Variants in DSC2 observed in about 807,000 individuals in gnomAD.
DSC2 encodes the protein desmocollin-2.
In DSC2, 51 loss-of-function variants were observed where a neutral mutation model predicts 87.6. That is an observed-to-expected ratio of 0.58 (90% CI 0.46 to 0.74). The LOEUF (loss-of-function observed/expected upper bound fraction) is 0.74, where lower values mean the gene tolerates loss of function less well. DSC2 is among the 30% of genes least tolerant of loss of function. DSC2 has a pLI of 0.00. For synonymous variants in DSC2, 383 were observed against 393.2 expected (o/e 0.97, Z 0.31); for missense variants, 1,066 against 1,089.5 (o/e 0.98, Z 0.30).
rs1467311353 is a variant in DSC2 at position 31,093,580 on chromosome 18, C to T, written c.133G>A (p.Ala45Thr). 7.5e-6 allele frequency: 12 copies of T among 1,605,564 alleles called. No individual in the cohort carries two copies. The highest frequency in any genetic ancestry group is 1.7e-4 in the Middle Eastern group (1 of 6,038). The change falls in exon 2 of 16, where the codon GCC becomes ACC. Residue 45 changes from alanine (A) to threonine (T), a missense_variant. By Grantham distance (58) the Ala-to-Thr change is moderately conservative. Transcript: ENST00000280904. The part of the protein sequence containing the change: ...VTLHVPSKLD[A>T]EKLVGRVNLK... ...TTACCTCTACCAACAAGTTTCTCGG[C>T]ATCTAGTTTGGAGGGAACATGTAAT...
chr18:31,062,213 G>A lies in DSC2; in HGVS notation c.*5802C>T, dbSNP rs1157254032. On this transcript the variant is annotated 3_prime_UTR_variant, in exon 16 of 16. Coordinates refer to ENST00000280904, the MANE Select transcript of DSC2 (RefSeq NM_024422.6). Reference sequence around the variant, plus strand: ...TCCCAGCCTAACATGGAAAAAGCTCGTAGATGTATGCCACTTTCTTTGCTT... The same window carrying A: ...TCCCAGCCTAACATGGAAAAAGCTCATAGATGTATGCCACTTTCTTTGCTT... The A allele has an allele frequency of 6.6e-6, 1 of 152,152 alleles. No individual in the cohort carries two copies. Among genetic ancestry groups the A allele is most frequent in the African/African-American group, 2.4e-5 (1 of 41,442 alleles). The allele number at this position is 152,152 out of a possible 1,614,324, so 9.4% of individuals were successfully genotyped here. A position where few individuals can be genotyped will look rare whatever the true frequency, so the allele number is the denominator to read the frequency against.
intron 8 of DSC2, 80 bp downstream of exon 8, chr18:31,082,846 C>T: frequency 1.3e-6 from 2 of 1,528,420 alleles, no homozygotes; most frequent in Non-Finnish European, 9.0e-7. Context: ...GCGTGAGCCA[C>T]TGCGCCAGGC....
intron 4 of DSC2, among the ~76,000 whole-genome samples, chr18:31,090,588 CAGAG>C (rs537593413): frequency 7.9e-5 from 12 of 151,654 alleles, no homozygotes; most frequent in African/African-American, 2.2e-4. Flanking sequence ...GAGACAGAGA[CAGAG>C]AGAGAGAGAA....
At chr18:31,089,361 G>T (rs375682686) in intron 5 of DSC2, 78 bp downstream of exon 5, 3 of 1,550,830 alleles carry the variant, frequency 1.9e-6, no homozygotes, top group Admixed American at 1.7e-5. Flanking sequence ...AGCAGAAAAG[G>T]TTACGTGAAT....
chr18:31,102,415 C>G lies in DSC2; in HGVS notation c.-444G>C, dbSNP rs926341043. ...ACAGCCGGCCCTGCCCAGCAGAAGC[C>G]CTGACTGCACAAAGACTCACTCCTG... On this transcript the variant is annotated 5_prime_UTR_variant, in exon 1 of 16. Transcript: ENST00000280904. 2 of 158,182 alleles carry G rather than the reference C, an allele frequency of 1.3e-5. No homozygotes were observed. The highest frequency in any genetic ancestry group is 2.8e-5 in the Non-Finnish European group (2 of 72,392). The allele number at this position is 158,182 out of a possible 1,614,324, so 9.8% of individuals were successfully genotyped here. A position where few individuals can be genotyped will look rare whatever the true frequency, so the allele number is the denominator to read the frequency against.
At position 31,065,225 on chromosome 18, in the gene DSC2, T is replaced by C. The variant is rs1480456620; in HGVS notation, c.*2790A>G. ...TTCCCAAAGGCCATCACTGGTGAAA[T>C]ACTGGTCGGGCTTCTGGGAAAGGTG... On this transcript the variant is annotated 3_prime_UTR_variant, in exon 16 of 16. Coordinates refer to ENST00000280904, the MANE Select transcript of DSC2 (RefSeq NM_024422.6). 6.6e-6 allele frequency: 1 copy of C among 152,192 alleles called. No homozygotes were observed. The highest frequency in any genetic ancestry group is 2.4e-5 in the African/African-American group (1 of 41,460). The allele number at this position is 152,192 out of a possible 1,614,324, so 9.4% of individuals were successfully genotyped here.
At chr18:31,074,037 A>G (rs770014373) in intron 12 of DSC2, among the ~76,000 whole-genome samples, 16 of 152,200 alleles carry the variant, frequency 1.1e-4, no homozygotes, top group Non-Finnish European at 2.1e-4. Context: ...CCTTTTTGCC[A>G]TGGGCAGCCC....
chr18:31,082,716 C>T (rs1056056568), intron 8 of DSC2, among the ~76,000 whole-genome samples: 1 of 152,064 alleles, frequency 6.6e-6, no homozygotes, highest in Middle Eastern at 3.2e-3. Flanking sequence ...TGTCACCATG[C>T]CCGGCTAATT....
At chr18:31,069,902 A>G (rs1356064831) in intron 14 of DSC2, among the ~76,000 whole-genome samples, 3 of 152,188 alleles carry the variant, frequency 2.0e-5, no homozygotes, top group African/African-American at 7.2e-5. Context: ...TTAGTATCTA[A>G]TTCAGTTATA....
chr18:31,064,790 T>C lies in DSC2; in HGVS notation c.*3225A>G, dbSNP rs936318570. 6.6e-6 allele frequency: 1 copy of C among 152,198 alleles called. No homozygotes were observed. The highest frequency in any genetic ancestry group is 1.9e-4 in the East Asian group (1 of 5,164). The allele number at this position is 152,198 out of a possible 1,614,324, so 9.4% of individuals were successfully genotyped here. ...GGAAAGCATTTTATTTTGGAGATGA[T>C]ACTAAAGGGGCTGATCAGAGCAAAG... On this transcript the variant is annotated 3_prime_UTR_variant, in exon 16 of 16. Transcript: ENST00000280904.
Position 31,101,973 on chromosome 18 carries a change from G to A in DSC2, c.-2C>T, listed in dbSNP as rs1987979480. 3 of 1,523,450 alleles carry A rather than the reference G, an allele frequency of 2.0e-6. No individual in the cohort carries two copies. Among genetic ancestry groups the A allele is most frequent in the Non-Finnish European group, 2.6e-6 (3 of 1,141,290 alleles). 94.4% of individuals were successfully genotyped at this position (1,523,450 alleles called of 1,614,324 possible). On this transcript the variant is annotated 5_prime_UTR_variant, in exon 1 of 16. Coordinates refer to ENST00000280904, the MANE Select transcript of DSC2 (RefSeq NM_024422.6). The stretch of plus-strand genomic sequence containing the variant: ...GCCGGAGGGGCGGGCTGCCTCCATG[G>A]AGAGGGCTCGGGGCAGGTCGCGGGC...
chr18:31,101,183 G>A (rs1215974213), intron 1 of DSC2: 16 of 985,026 alleles, frequency 1.6e-5, no homozygotes, highest in Non-Finnish European at 1.9e-5. Flanking sequence ...CTGAAGCCTC[G>A]CACGTTAAGA....
chr18:31,083,472 T>C (rs1167943055), intron 7 of DSC2, among the ~76,000 whole-genome samples: 5 of 152,006 alleles, frequency 3.3e-5, no homozygotes, highest in Admixed American at 2.0e-4. Flanking sequence ...AGAAGAGCTA[T>C]TTGCCACAAG....
In DSC2 at chr18:31,092,086, T is replaced by A. The variant is rs1303672773; in HGVS notation, c.354+15A>T. On this transcript the variant is annotated intron_variant, in intron 3 of 15. Transcript: ENST00000280904. ...AGAAAAGATATCATTTCTTCATTTA[T>A]GTAGCCTTGTATACCTTTGTTTGAT... 1 of 1,601,782 alleles carries A rather than the reference T, an allele frequency of 6.2e-7. No individual in the cohort carries two copies. The highest frequency in any genetic ancestry group is 1.1e-5 in the South Asian group (1 of 90,150).
chr18:31,070,814 G>A lies in DSC2; in HGVS notation c.2162C>T (p.Thr721Met), dbSNP rs759513934. The part of the protein sequence containing the change: ...LFTLVCGASG[T>M]SKQPKVIPDD... ...AGGAATTACTTTTGGTTGTTTAGAC[G>A]TCCCAGAAGCCCCACAGACCAGCGT... The change falls in exon 14 of 16, where the codon ACG becomes ATG. Residue 721 changes from threonine (T) to methionine (M), a missense_variant. Coordinates refer to ENST00000280904, the MANE Select transcript of DSC2 (RefSeq NM_024422.6). 5.1e-5 allele frequency: 83 copies of A among 1,613,692 alleles called. 1 individual carries two copies. The Middle Eastern group carries it at 8.2e-4, about 16-fold the overall frequency.
chr18:31,074,759 A>G lies in DSC2; in HGVS notation c.1812T>C (p.His604=), dbSNP rs781010501. 5.0e-6 allele frequency: 8 copies of G among 1,614,058 alleles called. No individual in the cohort carries two copies. The South Asian group carries it at 6.6e-5, about 13-fold the overall frequency. The change falls in exon 12 of 16, where the codon CAT becomes CAC. Residue 604 remains histidine (H), a synonymous_variant. Transcript: ENST00000280904. Reference sequence around the variant, plus strand: ...CCAGACTAAAGTCAAAGGGTGGGCCATGGATAGGCTCATCAGGATCAACCG... The same window carrying G: ...CCAGACTAAAGTCAAAGGGTGGGCCGTGGATAGGCTCATCAGGATCAACCG... ...IVAVDPDEPI[H]GPPFDFSLES...
In DSC2 at chr18:31,059,599, C is replaced by A. The variant is rs771447838; in HGVS notation, c.*8416G>T. ...TTGCTCTGTATTTCATTTACATGAA[C>A]TTTTCCCTCAATGTTATAAATTATA... On this transcript the variant is annotated 3_prime_UTR_variant, in exon 16 of 16. Transcript: ENST00000280904. 1 of 152,110 alleles carries A rather than the reference C, an allele frequency of 6.6e-6. No homozygotes were observed. Among genetic ancestry groups the A allele is most frequent in the Non-Finnish European group, 1.5e-5 (1 of 68,016 alleles). The allele number at this position is 152,110 out of a possible 1,614,324, so 9.4% of individuals were successfully genotyped here.
chr18:31,096,425 A>T (rs760052518), intron 1 of DSC2, among the ~76,000 whole-genome samples: 6 of 152,158 alleles, frequency 3.9e-5, no homozygotes, highest in Non-Finnish European at 8.8e-5. Context: ...AAATCAAAGC[A>T]CAGGGCCCAC....
chr18:31,100,933 C>T (rs897999824), intron 1 of DSC2, among the ~76,000 whole-genome samples: 1 of 152,130 alleles, frequency 6.6e-6, no homozygotes, highest in Non-Finnish European at 1.5e-5. Context: ...TCTTCAGGCT[C>T]CCCAACGAGA....
Sources: gnomAD v4.1 joint callset for allele counts (sites outside exome capture counted in the v4.1 genomes callset) on GRCh38, gnomAD v4.1.1 for gene constraint, MANE v1.5 for transcripts, NCBI Gene and HGNC (gene_info 2026-07-23, HGNC 2026-07-21) for gene names.